GRM2: variants seen among roughly 807,000 people sequenced by gnomAD.
GRM2 encodes glutamate metabotropic receptor 2.
In GRM2, 35 loss-of-function variants were observed where a neutral mutation model predicts 60.4. The observed-to-expected ratio is 0.58, with a 90% CI of 0.44 to 0.77. The LOEUF is 0.77. GRM2 is among the 30% of genes least tolerant of loss of function. The pLI is 0.00. For synonymous variants in GRM2, 437 were observed against 484.1 expected, an observed-to-expected ratio of 0.90 and a Z score of 1.28; for missense variants, 925 against 1,199.5, an observed-to-expected ratio of 0.77 and a Z score of 3.38.
chr3:51,714,112 A>C (rs1703818660), intron 3 of GRM2: 1 of 365,894 alleles, frequency 2.7e-6, no homozygotes, highest in East Asian at 8.0e-5. Context: ...GCCCAGGGTT[A>C]AGATGAAGAG....
At chr3:51,708,772 G>A in intron 1 of GRM2, 76 bp from the exon 2 acceptor site, 1 of 503,194 alleles carries the variant, frequency 2.0e-6, no homozygotes, top group Non-Finnish European at 3.5e-6. Context: ...TCGTGGGGAG[G>A]CAGAGTCAGA....
In GRM2 at chr3:51,713,246, C is replaced by T. The variant is rs758404626; in HGVS notation, c.1224C>T (p.Asp408=). ...ALCPNTTRLC[D]AMRPVNGRRL... ...GCCCCAACACCACCCGGCTCTGTGA[C>T]GCGATGCGGCCAGTTAACGGGCGCC... The change falls in exon 3 of 6, where the codon GAC becomes GAT. Residue 408 remains aspartate (D), a synonymous_variant. Transcript: ENST00000395052. This position sits in a 1 kb window ranked among gnomAD's most constrained non-coding sequence, Gnocchi z 4.8. The T allele has an allele frequency of 2.0e-5, 32 of 1,612,928 alleles. No homozygotes were observed. Among genetic ancestry groups the T allele is most frequent in the Admixed American group, 3.3e-5 (2 of 60,004 alleles).
In GRM2 at chr3:51,716,115, A is replaced by G. The variant is rs999298194; in HGVS notation, c.2342A>G (p.Tyr781Cys). 6.2e-6 allele frequency: 10 copies of G among 1,613,342 alleles called. No homozygotes were observed. The highest frequency in any genetic ancestry group is 1.6e-4 in the Middle Eastern group (1 of 6,062). Reference sequence around the variant, plus strand: ...TGGCTGGCATTCCTGCCCATCTTCTATGTCACCTCCAGTGACTACCGGGTG... The same window carrying G: ...TGGCTGGCATTCCTGCCCATCTTCTGTGTCACCTCCAGTGACTACCGGGTG... Reference protein sequence around the residue: ...IIWLAFLPIFYVTSSDYRVQT... With the variant: ...IIWLAFLPIFCVTSSDYRVQT... Residue 781 changes from tyrosine to cysteine, a missense_variant, in exon 4 of 6, where the codon TAT becomes TGT. Coordinates refer to ENST00000395052, the MANE Select transcript of GRM2 (RefSeq NM_000839.5). The surrounding 1 kb of genome is among the most constrained non-coding windows in gnomAD (Gnocchi z 4.0).
intron 2 of GRM2, among the ~76,000 whole-genome samples, chr3:51,710,964 A>C (rs1264373668): frequency 6.6e-6 from 1 of 152,252 alleles, no homozygotes; most frequent in Non-Finnish European, 1.5e-5. Flanking sequence ...GCTTGGCCTC[A>C]GCTTCCTTTC....
intron 3 of GRM2, chr3:51,714,818 C>A: frequency 4.9e-6 from 2 of 407,594 alleles, no homozygotes; most frequent in South Asian, 8.1e-5. Flanking sequence ...GGCTTTAAGG[C>A]TGGGATTACA....
chr3:51,717,752 G>A lies in GRM2; in HGVS notation c.2480G>A (p.Ser827Asn). 6.2e-7 allele frequency: 1 copy of A among 1,614,144 alleles called. No individual in the cohort carries two copies. The highest frequency in any genetic ancestry group is 1.1e-5 in the South Asian group (1 of 91,088). The change falls in exon 5 of 6, where the codon AGC becomes AAC. Residue 827 changes from serine to asparagine, a missense_variant. Coordinates refer to ENST00000395052, the MANE Select transcript of GRM2 (RefSeq NM_000839.5). The surrounding 1 kb of genome is among the most constrained non-coding windows in gnomAD (Gnocchi z 6.0). ...TTCCAGCCGCAGAAGAACGTGGTTA[G>A]CCACCGGGCACCCACCAGCCGCTTT... The part of the protein sequence containing the change: ...ILFQPQKNVV[S>N]HRAPTSRFGS...
chr3:51,712,406 G>A lies in GRM2; in HGVS notation c.451-67G>A, dbSNP rs1703741879. ...CTTGACACCAAGACCTGCTAGCTGT[G>A]GGGGATGCACCTGTCTCTAGTGTTT... is the stretch of plus-strand genomic sequence containing the variant. On this transcript the variant is annotated intron_variant, in intron 2 of 5. Coordinates refer to ENST00000395052, the MANE Select transcript of GRM2 (RefSeq NM_000839.5). This position sits in a 1 kb window ranked among gnomAD's most constrained non-coding sequence, Gnocchi z 5.3. 9.7e-7 allele frequency: 1 copy of A among 1,027,400 alleles called. No individual in the cohort carries two copies. The highest frequency in any genetic ancestry group is 1.6e-5 in the African/African-American group (1 of 63,694). 63.6% of individuals were successfully genotyped at this position (1,027,400 alleles called of 1,614,324 possible).
Position 51,716,251 on chromosome 3 carries a change from G to A in GRM2, c.2364+114G>A. ...GTTCCAAGAGGATAATGCCCACTCA[G>A]GGGACCACAGCTTGTGTGGATCCCA... is the stretch of plus-strand genomic sequence containing the variant. On this transcript the variant is annotated intron_variant, in intron 4 of 5. Transcript: ENST00000395052. The surrounding 1 kb of genome is among the most constrained non-coding windows in gnomAD (Gnocchi z 4.0). 4 of 709,992 alleles carry A rather than the reference G, an allele frequency of 5.6e-6. No individual in the cohort carries two copies. The South Asian group carries it at 7.2e-5, about 13-fold the overall frequency. 44.0% of individuals were successfully genotyped at this position (709,992 alleles called of 1,614,324 possible).
chr3:51,709,843 T>TCACA (rs1254062964), intron 2 of GRM2, among the ~76,000 whole-genome samples: 1 of 25,594 alleles, frequency 3.9e-5, no homozygotes, highest in Admixed American at 5.0e-4. Context: ...ACACACACCC[T>TCACA]CACACACACA....
At chr3:51,710,108 G>C (rs979424311) in intron 2 of GRM2, among the ~76,000 whole-genome samples, 1 of 151,624 alleles carries the variant, frequency 6.6e-6, no homozygotes, top group Non-Finnish European at 1.5e-5. Flanking sequence ...TCCTGCCTCA[G>C]CCTCCCAAGT....
chr3:51,712,696 A>C lies in GRM2; in HGVS notation c.674A>C (p.Glu225Ala). 6.2e-7 allele frequency: 1 copy of C among 1,613,952 alleles called. No homozygotes were observed. The highest frequency in any genetic ancestry group is 8.5e-7 in the Non-Finnish European group (1 of 1,180,020). The change falls in exon 3 of 6, where the codon GAG (glutamate) becomes GCG (alanine). Residue 225 changes from glutamate to alanine, a missense_variant. Physicochemically the swap from Glu to Ala is moderately radical, Grantham distance 107 (BLOSUM62 -1). Coordinates refer to ENST00000395052, the MANE Select transcript of GRM2 (RefSeq NM_000839.5). This position sits in a 1 kb window ranked among gnomAD's most constrained non-coding sequence, Gnocchi z 5.3. ...GGCGAGACAGGCATTGAGGCCTTTG[A>C]GCTAGAGGCTCGTGCCCGCAACATC... The part of the protein sequence containing the change: ...DYGETGIEAF[E>A]LEARARNICV...
rs375683616 is a variant in GRM2 at position 51,715,012 on chromosome 3, C to A, written c.1289-50C>A. The A allele has an allele frequency of 6.8e-6, 8 of 1,174,088 alleles. No homozygotes were observed. The highest frequency in any genetic ancestry group is 9.8e-6 in the Non-Finnish European group (8 of 818,894). 72.7% of individuals were successfully genotyped at this position (1,174,088 alleles called of 1,614,324 possible). A position where few individuals can be genotyped will look rare whatever the true frequency, so the allele number is the denominator to read the frequency against. ...GTTAGGGTGAATGTTGAGGTCACAT[C>A]AGGGTAACACACTAGTCCAACCTTC... On this transcript the variant is annotated intron_variant, in intron 3 of 5. Transcript: ENST00000395052. This position sits in a 1 kb window ranked among gnomAD's most constrained non-coding sequence, Gnocchi z 9.0.
intron 2 of GRM2, among the ~76,000 whole-genome samples, chr3:51,711,968 G>A (rs954675594): frequency 6.6e-6 from 1 of 152,194 alleles, no homozygotes; most frequent in African/African-American, 2.4e-5. Flanking sequence ...CCAAGCCTTG[G>A]CCTATTAGGG....
chr3:51,715,943 C>T lies in GRM2; in HGVS notation c.2170C>T (p.Arg724Cys), dbSNP rs777964450. Residue 724 changes from arginine (R) to cysteine (C), a missense_variant, in exon 4 of 6, where the codon CGC becomes TGC. Transcript: ENST00000395052. The surrounding 1 kb of genome is among the most constrained non-coding windows in gnomAD (Gnocchi z 9.0). ...GGTGGTGACACTGCGCTGCAACCAC[C>T]GCGATGCAAGTATGTTGGGCTCGCT... ...REVVTLRCNH[R>C]DASMLGSLAY... 1.3e-5 allele frequency: 21 copies of T among 1,613,936 alleles called. No homozygotes were observed. The highest frequency in any genetic ancestry group is 6.7e-5 in the African/African-American group (5 of 74,956).
chr3:51,714,087 AG>A, intron 3 of GRM2: 1 of 392,452 alleles, frequency 2.5e-6, no homozygotes, highest in South Asian at 1.8e-5. Context: ...TGGGAGACAA[AG>A]CTTGGAAGCC....
rs1703608298 is a variant in GRM2, at chr3:51,709,287, G to A, written c.304G>A (p.Ala102Thr). The A allele has an allele frequency of 1.2e-6, 2 of 1,603,986 alleles. No individual in the cohort carries two copies. Among genetic ancestry groups the A allele is most frequent in the South Asian group, 1.1e-5 (1 of 90,966 alleles). Residue 102 changes from alanine to threonine, a missense_variant, in exon 2 of 6, where the codon GCA (alanine) becomes ACA (threonine). By Grantham distance (58) the Ala-to-Thr change is moderately conservative. Transcript: ENST00000395052. Reference sequence around the variant, plus strand: ...CAAGGACACACATGCGCTGGAGCAGGCACTGGACTTTGTGCGTGCCTCACT... The same window carrying A: ...CAAGGACACACATGCGCTGGAGCAGACACTGGACTTTGTGCGTGCCTCACT... ...CSKDTHALEQ[A>T]LDFVRASLSR...
In GRM2 at chr3:51,716,041, C is replaced by G; in HGVS notation, c.2268C>G (p.Phe756Leu). The change falls in exon 4 of 6, where the codon TTC (phenylalanine) becomes TTG (leucine). Residue 756 changes from phenylalanine to leucine, a missense_variant. Coordinates refer to ENST00000395052, the MANE Select transcript of GRM2 (RefSeq NM_000839.5). The surrounding 1 kb of genome is among the most constrained non-coding windows in gnomAD (Gnocchi z 4.0). ...AGACTCGCAAGTGCCCCGAAAACTT[C>G]AACGAGGCCAAGTTCATTGGCTTCA... ...AFKTRKCPEN[F>L]NEAKFIGFTM... 6.2e-7 allele frequency: 1 copy of G among 1,614,258 alleles called. No homozygotes were observed. The highest frequency in any genetic ancestry group is 8.5e-7 in the Non-Finnish European group (1 of 1,180,048).
Position 51,715,238 on chromosome 3 carries a change from T to G in GRM2, c.1465T>G (p.Ser489Ala). The change falls in exon 4 of 6, where the codon TCA (serine) becomes GCA (alanine). Residue 489 changes from serine to alanine, a missense_variant. Ser to Ala is a moderately conservative substitution (Grantham distance 99). Transcript: ENST00000395052. This position sits in a 1 kb window ranked among gnomAD's most constrained non-coding sequence, Gnocchi z 9.0. ...GGACACCAGCCTCATCCCATGGGCC[T>G]CACCCTCAGCCGGCCCCCTGCCCGC... ...TLDTSLIPWA[S>A]PSAGPLPASR... 6.2e-7 allele frequency: 1 copy of G among 1,611,702 alleles called. No homozygotes were observed. Among genetic ancestry groups the G allele is most frequent in the Non-Finnish European group, 8.5e-7 (1 of 1,178,468 alleles).
Position 51,718,118 on chromosome 3 carries a change from C to T in GRM2, c.*6C>T, listed in dbSNP as rs1019466518. 1.9e-6 allele frequency: 3 copies of T among 1,612,572 alleles called. No homozygotes were observed. Among genetic ancestry groups the T allele is most frequent in the Non-Finnish European group, 2.5e-6 (3 of 1,178,542 alleles). On this transcript the variant is annotated 3_prime_UTR_variant, in exon 6 of 6. Transcript: ENST00000395052. This position sits in a 1 kb window ranked among gnomAD's most constrained non-coding sequence, Gnocchi z 4.2. ...CGACAACGTCATCGCTTTGAAGACCCCATACTCCCGCCCTGACACAGCTGC... is the reference window on the plus strand; with the variant it reads ...CGACAACGTCATCGCTTTGAAGACCTCATACTCCCGCCCTGACACAGCTGC...
Sources: allele counts gnomAD v4.1 joint callset (sites outside exome capture counted in the v4.1 genomes callset), GRCh38; gene constraint gnomAD v4.1.1; non-coding constraint Gnocchi (gnomAD v3.1); transcripts MANE v1.5; gene names NCBI Gene and HGNC (gene_info 2026-07-23, HGNC 2026-07-21).